The following EPHA6 variants were observed in gnomAD, a reference collection of about 807,000 sequenced individuals.
EPHA6 encodes EPH receptor A6.
EPHA6 carries 50 observed loss-of-function variants against 112.0 expected under a neutral mutation model. The observed-to-expected ratio is 0.45, with a 90% CI of 0.36 to 0.56. The LOEUF (loss-of-function observed/expected upper bound fraction) is 0.56. Ranked by LOEUF, EPHA6 falls within the 20% of genes least tolerant of loss-of-function variation. EPHA6 has a pLI of 0.00. For synonymous variants in EPHA6, 529 were observed against 490.7 expected, an observed-to-expected ratio of 1.08 and a Z score of -1.03; for missense variants, 1,280 against 1,417.4, an observed-to-expected ratio of 0.90 and a Z score of 1.56.
intron 2 of EPHA6, among the ~76,000 whole-genome samples, chr3:96,905,038 C>T (rs2038855491): frequency 6.6e-6 from 1 of 152,004 alleles, no homozygotes; most frequent in African/African-American, 2.4e-5. Flanking sequence ...CTGGTATTAA[C>T]TATTTATGAG....
At chr3:97,544,043 A>G (rs2092908426) in intron 11 of EPHA6, among the ~76,000 whole-genome samples, 1 of 152,182 alleles carries the variant, frequency 6.6e-6, no homozygotes, top group East Asian at 1.9e-4. Flanking sequence ...GCCAACAGGG[A>G]CAATTTGACT....
At chr3:97,232,630 A>G (rs1176374070) in intron 4 of EPHA6, among the ~76,000 whole-genome samples, 1 of 152,208 alleles carries the variant, frequency 6.6e-6, no homozygotes, top group Non-Finnish European at 1.5e-5. Context: ...GGCATAAGTC[A>G]GTATGAGACC....
intron 5 of EPHA6, among the ~76,000 whole-genome samples, chr3:97,308,608 A>G (rs540808528): frequency 1.1e-4 from 16 of 151,884 alleles, no homozygotes; most frequent in Admixed American, 3.9e-4. Context: ...CATCTGTGAT[A>G]TCTTCATTGT....
intron 2 of EPHA6, among the ~76,000 whole-genome samples, chr3:96,948,111 A>G (rs1432480659): frequency 6.6e-6 from 1 of 152,198 alleles, no homozygotes; most frequent in African/African-American, 2.4e-5. Context: ...TATTTTCCCC[A>G]ACTATTTTTA....
intron 5 of EPHA6, among the ~76,000 whole-genome samples, chr3:97,295,221 G>A (rs1039816950): frequency 2.2e-4 from 33 of 151,952 alleles, no homozygotes; most frequent in African/African-American, 3.1e-4. Context: ...TTGGATATTC[G>A]TTTGTTTCAT....
At position 97,405,252 on chromosome 3, in the gene EPHA6, A is replaced by G; in HGVS notation, c.1709A>G (p.Tyr570Cys). 1 of 1,611,956 alleles carries G rather than the reference A, an allele frequency of 6.2e-7. No individual in the cohort carries two copies. The highest frequency in any genetic ancestry group is 8.5e-7 in the Non-Finnish European group (1 of 1,178,964). Residue 570 changes from tyrosine to cysteine, a missense_variant, in exon 6 of 18, where the codon TAC becomes TGC. This residue lies in a region of EPHA6 where 878 missense variants were observed against 999.7 expected (regional missense o/e 0.88). Coordinates refer to ENST00000389672, the MANE Select transcript of EPHA6 (RefSeq NM_001080448.3). ...PAFSNGAILD[Y>C]EIKYYEKEHE... ...TTTTCCAATGGAGCCATTCTGGACT[A>G]CGAGATCAAGTACTATGAGAAAGTA...
intron 5 of EPHA6, among the ~76,000 whole-genome samples, chr3:97,368,796 C>T (rs1031860221): frequency 5.9e-5 from 9 of 152,054 alleles, no homozygotes; most frequent in African/African-American, 1.9e-4. Flanking sequence ...TTATATGCCA[C>T]GCACAGTCCC....
At chr3:97,364,623 T>C (rs1038019605) in intron 5 of EPHA6, among the ~76,000 whole-genome samples, 4 of 152,026 alleles carry the variant, frequency 2.6e-5, no homozygotes, top group Admixed American at 2.0e-4. Flanking sequence ...CTCTGGAGAC[T>C]TGAATTTAAA....
intron 11 of EPHA6, among the ~76,000 whole-genome samples, chr3:97,573,793 C>T (rs1489795994): frequency 6.6e-6 from 1 of 151,968 alleles, no homozygotes; most frequent in Admixed American, 6.5e-5. Context: ...TTGCCACATG[C>T]AAATTCAGAG....
At chr3:97,591,484 T>C (rs948108625) in intron 11 of EPHA6, among the ~76,000 whole-genome samples, 7 of 152,144 alleles carry the variant, frequency 4.6e-5, no homozygotes, top group African/African-American at 1.7e-4. Context: ...TGTGAAGCTA[T>C]GCAGCCTGAG....
At chr3:96,891,663 C>T (rs934951048) in intron 2 of EPHA6, among the ~76,000 whole-genome samples, 5 of 151,978 alleles carry the variant, frequency 3.3e-5, no homozygotes, top group Admixed American at 6.6e-5. Flanking sequence ...GAGCCAAGAT[C>T]GCACCACTGC....
intron 5 of EPHA6, among the ~76,000 whole-genome samples, chr3:97,271,348 C>A (rs1464209939): frequency 3.3e-5 from 5 of 152,190 alleles, no homozygotes; most frequent in African/African-American, 4.8e-5. Context: ...CTTTTGTGTG[C>A]CTTCTCTCTT....
At chr3:97,725,426 C>G (rs1243197453) in intron 15 of EPHA6, among the ~76,000 whole-genome samples, 1 of 152,086 alleles carries the variant, frequency 6.6e-6, no homozygotes, top group African/African-American at 2.4e-5. Context: ...GCAGTTTCCC[C>G]ATAATTACCT....
intron 3 of EPHA6, among the ~76,000 whole-genome samples, chr3:97,184,796 G>T (rs574187192): frequency 6.6e-6 from 1 of 152,182 alleles, no homozygotes; most frequent in South Asian, 2.1e-4. Context: ...GAGGCATCAC[G>T]CTACCTGACT....
chr3:96,819,593 T>C (rs1018612622), intron 1 of EPHA6, among the ~76,000 whole-genome samples: 1 of 152,124 alleles, frequency 6.6e-6, no homozygotes, highest in South Asian at 2.1e-4. Flanking sequence ...CTCACCATTT[T>C]GGGTTTACAA....
chr3:96,935,456 T>G (rs2107667850), intron 2 of EPHA6, among the ~76,000 whole-genome samples: 1 of 150,880 alleles, frequency 6.6e-6, no homozygotes, highest in South Asian at 2.1e-4. Context: ...TATATAAAAC[T>G]ATTATAGGTA....
intron 15 of EPHA6, among the ~76,000 whole-genome samples, chr3:97,731,463 A>G (rs144703586): frequency 5.8e-4 from 89 of 152,182 alleles, no homozygotes; most frequent in Middle Eastern, 3.4e-3. Context: ...AGTCACACAA[A>G]GAGATCTCAA....
intron 5 of EPHA6, among the ~76,000 whole-genome samples, chr3:97,272,631 A>AG (rs2079926687): frequency 7.1e-6 from 1 of 140,368 alleles, no homozygotes; most frequent in African/African-American, 2.7e-5. Context: ...TTACAGTCAA[A>AG]GGGGGGTGTT....
chr3:97,379,764 A>G (rs930453914), intron 5 of EPHA6, among the ~76,000 whole-genome samples: 3 of 150,994 alleles, frequency 2.0e-5, no homozygotes, highest in Non-Finnish European at 4.4e-5. Context: ...AAAAAAAAAA[A>G]AAAAAAAAAA....
Sources: allele counts gnomAD v4.1 joint callset (sites outside exome capture counted in the v4.1 genomes callset), GRCh38; gene constraint gnomAD v4.1.1; regional missense constraint gnomAD v4.1.1; transcripts MANE v1.5; gene names NCBI Gene and HGNC (gene_info 2026-07-23, HGNC 2026-07-21).